The following MED15 variants were observed in gnomAD, a reference collection of about 807,000 sequenced individuals.
The protein encoded by MED15 is mediator of RNA polymerase II transcription subunit 15.
Under a neutral mutation model 118.7 loss-of-function variants are expected in MED15, and 41 were observed. That is an observed-to-expected ratio of 0.35 (90% CI 0.27 to 0.45). The LOEUF (loss-of-function observed/expected upper bound fraction) is 0.45, where lower values mean the gene tolerates loss of function less well. MED15 is among the 20% of genes least tolerant of loss of function. MED15 has a pLI of 1.00. For synonymous variants in MED15, 436 were observed against 413.9 expected (o/e 1.05, Z -0.65); for missense variants, 740 against 1,025.5 (o/e 0.72, Z 3.80).
At chr22:20,529,943 C>T (rs1007027395) in intron 1 of MED15, among the ~76,000 whole-genome samples, 2 of 152,110 alleles carry the variant, frequency 1.3e-5, no homozygotes, top group African/African-American at 4.8e-5. Flanking sequence ...AGGCTGGTCT[C>T]GAACTCCTGA....
At chr22:20,508,247 C>T (rs1425474637) in intron 1 of MED15, 3 of 1,279,496 alleles carry the variant, frequency 2.3e-6, no homozygotes, top group Admixed American at 2.6e-5. Context: ...GGTGACCCCC[C>T]GAAGGAATGT....
chr22:20,516,009 C>CAAAA (rs1555921084), intron 1 of MED15, among the ~76,000 whole-genome samples: 2 of 148,806 alleles, frequency 1.3e-5, no homozygotes, highest in African/African-American at 2.5e-5. Context: ...TCAAAACAAA[C>CAAAA]AAAAAAAATT....
chr22:20,544,544 G>C (rs1488163294), intron 2 of MED15, among the ~76,000 whole-genome samples: 3 of 152,156 alleles, frequency 2.0e-5, no homozygotes, highest in African/African-American at 7.2e-5. Context: ...GCGGGCGCCT[G>C]GAGTCCCAGC....
intron 5 of MED15, among the ~76,000 whole-genome samples, chr22:20,562,925 ACT>A (rs2056300644): frequency 6.6e-6 from 1 of 151,724 alleles, no homozygotes; most frequent in African/African-American, 2.4e-5. Context: ...AGTTCCAGCT[ACT>A]CGGGAGGCTG....
chr22:20,554,974 G>A lies in MED15; in HGVS notation c.277G>A (p.Ala93Thr). ...ACTCCAGAGCCTGACTGGCGGACCT[G>A]CTGCGGGAGCCGCTGGAATTGGCAT... Reference protein sequence around the residue: ...NALQSLTGGPAAGAAGIGMPP... With the variant: ...NALQSLTGGPTAGAAGIGMPP... Residue 93 changes from alanine to threonine, a missense_variant, in exon 5 of 18, where the codon GCT (alanine) becomes ACT (threonine). By Grantham distance (58) the Ala-to-Thr change is moderately conservative (BLOSUM62 0). Coordinates refer to ENST00000263205, the MANE Select transcript of MED15 (RefSeq NM_001003891.3). 6.2e-7 allele frequency: 1 copy of A among 1,610,466 alleles called. No homozygotes were observed. Among genetic ancestry groups the A allele is most frequent in the Non-Finnish European group, 8.5e-7 (1 of 1,179,974 alleles).
chr22:20,586,437 C>T (rs950122808), intron 17 of MED15, 131 bp from the exon 18 acceptor site: 20 of 1,327,556 alleles, frequency 1.5e-5, no homozygotes, highest in Middle Eastern at 1.9e-4. Context: ...GGCCGGGCAG[C>T]GTGCAGGACA....
intron 1 of MED15, among the ~76,000 whole-genome samples, chr22:20,516,989 G>A (rs2054278757): frequency 6.6e-6 from 1 of 151,984 alleles, no homozygotes; most frequent in Non-Finnish European, 1.5e-5. Context: ...CTGGAGTGCA[G>A]CAGTACAATC....
chr22:20,567,795 G>C (rs1437254565), intron 7 of MED15, among the ~76,000 whole-genome samples: 1 of 152,144 alleles, frequency 6.6e-6, no homozygotes, highest in Admixed American at 6.5e-5. Flanking sequence ...GGCCTGTCTC[G>C]TCCTTCTGGA....
At chr22:20,586,267 A>G (rs1046426279) in intron 17 of MED15, among the ~76,000 whole-genome samples, 2 of 151,968 alleles carry the variant, frequency 1.3e-5, no homozygotes, top group Admixed American at 1.3e-4. Context: ...GGCAGGGGGC[A>G]GTCTCTGAGC....
chr22:20,585,582 T>C, intron 16 of MED15, 146 bp from the exon 17 acceptor site: 2 of 777,710 alleles, frequency 2.6e-6, no homozygotes, highest in Admixed American at 2.3e-5. Flanking sequence ...CGTTTGGAAA[T>C]CTGAGAGTCA....
chr22:20,527,974 A>T (rs1293087418), intron 1 of MED15, among the ~76,000 whole-genome samples: 1 of 151,726 alleles, frequency 6.6e-6, no homozygotes, highest in Admixed American at 6.6e-5. Flanking sequence ...AAAAAAAAAA[A>T]AATCAAACTC....
chr22:20,531,951 C>T (rs2054879635), intron 1 of MED15, among the ~76,000 whole-genome samples: 1 of 152,226 alleles, frequency 6.6e-6, no homozygotes. Flanking sequence ...GGTAGTAGGT[C>T]ATCATCCCTG....
intron 8 of MED15, chr22:20,574,780 G>C (rs1328150421): frequency 4.3e-6 from 1 of 232,958 alleles, no homozygotes; most frequent in Non-Finnish European, 8.7e-6. Context: ...GTCTGGCTCT[G>C]ATGGTTCTGT....
intron 1 of MED15, chr22:20,523,768 A>G (rs1601468220): frequency 3.0e-6 from 3 of 985,428 alleles, no homozygotes; most frequent in Non-Finnish European, 3.6e-6. Context: ...AAACCAACAG[A>G]TTGGAGTATG....
chr22:20,509,406 A>G (rs1038264417), intron 1 of MED15, among the ~76,000 whole-genome samples: 1 of 152,110 alleles, frequency 6.6e-6, no homozygotes, highest in Non-Finnish European at 1.5e-5. Flanking sequence ...TTTCATCCTT[A>G]TATTCTCACT....
chr22:20,544,235 A>G (rs2055433286), intron 2 of MED15, among the ~76,000 whole-genome samples: 1 of 152,140 alleles, frequency 6.6e-6, no homozygotes, highest in Non-Finnish European at 1.5e-5. Context: ...CATGCTTCTC[A>G]CAATTCTACT....
intron 15 of MED15, 37 bp from the exon 16 acceptor site, chr22:20,585,064 G>T: frequency 6.2e-7 from 1 of 1,613,396 alleles, no homozygotes; most frequent in South Asian, 1.1e-5. Context: ...GCCCTGGGCC[G>T]CGTGTGCCAG....
In MED15 at chr22:20,582,778, C is replaced by G. The variant is rs920295338; in HGVS notation, c.1409+31C>G. 7 of 1,593,220 alleles carry G rather than the reference C, an allele frequency of 4.4e-6. No individual in the cohort carries two copies. In the African/African-American group the frequency reaches 9.4e-5, roughly 21 times the overall value. On this transcript the variant is annotated intron_variant, in intron 10 of 17. Coordinates refer to ENST00000263205, the MANE Select transcript of MED15 (RefSeq NM_001003891.3). ...CCTGGCCTGGGGTGCCCCTCCCCAC[C>G]TGGCCCTCGAGGCTGGCCCTGCCTG... is the stretch of plus-strand genomic sequence containing the variant.
chr22:20,577,735 G>A (rs1016783967), intron 9 of MED15, among the ~76,000 whole-genome samples: 2 of 151,860 alleles, frequency 1.3e-5, no homozygotes, highest in Admixed American at 6.6e-5. Context: ...CCGCCCATTC[G>A]CACTGGCAGT....
Sources: gnomAD v4.1 joint callset for allele counts (sites outside exome capture counted in the v4.1 genomes callset) on GRCh38, gnomAD v4.1.1 for gene constraint, MANE v1.5 for transcripts, NCBI Gene and HGNC (gene_info 2026-07-23, HGNC 2026-07-21) for gene names.